MBNL2: variants seen among roughly 807,000 people sequenced by gnomAD.
MBNL2 encodes the protein muscleblind-like protein 2.
A neutral mutation model predicts 41.9 loss-of-function variants in MBNL2; 17 were observed. The observed-to-expected ratio is 0.41, with a 90% CI of 0.28 to 0.61. The LOEUF (loss-of-function observed/expected upper bound fraction) is 0.61. Among genes scored for constraint, MBNL2 ranks in the 20% least tolerant of loss-of-function variants. The pLI is 0.35. For missense variants in MBNL2, 336 were observed against 505.6 expected, an observed-to-expected ratio of 0.66 and a Z score of 3.22; for synonymous variants, 195 against 182.9, an observed-to-expected ratio of 1.07 and a Z score of -0.53.
intron 1 of MBNL2, among the ~76,000 whole-genome samples, chr13:97,235,629 A>G (rs1467814676): frequency 6.6e-6 from 1 of 152,178 alleles, no homozygotes; most frequent in African/African-American, 2.4e-5. Context: ...TAGTGTAGAA[A>G]GTGGAAGAAA....
chr13:97,185,643 G>T, the MBNL2 span, among the ~76,000 whole-genome samples: 1 of 152,210 alleles, frequency 6.6e-6, no homozygotes, highest in Admixed American at 6.5e-5. Context: ...AGGCATGTGG[G>T]CAGCCTCCGG....
chr13:97,326,606 T>C (rs2059931244), intron 2 of MBNL2, among the ~76,000 whole-genome samples: 1 of 152,240 alleles, frequency 6.6e-6, no homozygotes, highest in African/African-American at 2.4e-5. Flanking sequence ...GGTTATCATT[T>C]GTTTATAATG....
At chr13:97,181,384 G>A in the MBNL2 span, among the ~76,000 whole-genome samples, 17 of 152,272 alleles carry the variant, frequency 1.1e-4, no homozygotes, top group African/African-American at 3.9e-4. Context: ...TTATTGAATA[G>A]GTGGTTTTAA....
intron 1 of MBNL2, among the ~76,000 whole-genome samples, chr13:97,267,783 A>G (rs915405399): frequency 2.6e-5 from 4 of 152,190 alleles, no homozygotes; most frequent in Non-Finnish European, 5.9e-5. Flanking sequence ...TTGATCAGAA[A>G]CAGCCGCTGG....
intron 3 of MBNL2, among the ~76,000 whole-genome samples, chr13:97,337,321 C>T (rs747325885): frequency 6.6e-6 from 1 of 152,170 alleles, no homozygotes; most frequent in Non-Finnish European, 1.5e-5. Flanking sequence ...TTGTAAGCCA[C>T]CCAGCTTATG....
At chr13:97,340,490 A>G (rs1206841108) in intron 3 of MBNL2, among the ~76,000 whole-genome samples, 4 of 152,186 alleles carry the variant, frequency 2.6e-5, no homozygotes, top group Admixed American at 2.6e-4. Flanking sequence ...AAAAACCTTG[A>G]TGGACATTGA....
chr13:97,288,807 C>A (rs1466765203), intron 2 of MBNL2, among the ~76,000 whole-genome samples: 2 of 152,186 alleles, frequency 1.3e-5, no homozygotes, highest in African/African-American at 2.4e-5. Context: ...CAAATCCTCC[C>A]CTGAGCACTG....
At chr13:97,184,610 G>C in the MBNL2 span, among the ~76,000 whole-genome samples, 2 of 152,272 alleles carry the variant, frequency 1.3e-5, no homozygotes, top group African/African-American at 4.8e-5. Flanking sequence ...AGCCTCCTGA[G>C]TAGCTGGGAT....
chr13:97,326,660 G>A (rs1268027724), intron 2 of MBNL2, among the ~76,000 whole-genome samples: 1 of 152,140 alleles, frequency 6.6e-6, no homozygotes. Flanking sequence ...AAGCCGTTAT[G>A]TGATTGCATT....
chr13:97,234,136 G>A (rs908430742), intron 1 of MBNL2, among the ~76,000 whole-genome samples: 1 of 152,056 alleles, frequency 6.6e-6, no homozygotes, highest in South Asian at 2.1e-4. Context: ...ACCCTATGGC[G>A]CATACAAGCC....
chr13:97,333,577 C>T (rs1301101879), intron 2 of MBNL2, among the ~76,000 whole-genome samples: 1 of 152,130 alleles, frequency 6.6e-6, no homozygotes, highest in Non-Finnish European at 1.5e-5. Flanking sequence ...TGAGCTCAAG[C>T]CTGAGAATTT....
At position 97,282,638 on chromosome 13, in the gene MBNL2, G is replaced by A. The variant is rs184108205; in HGVS notation, c.174+6229G>A. On this transcript the variant is annotated intron_variant, in intron 2 of 8. Transcript: ENST00000679496. ...AGTTTTATAATGCAACGGAGTACAGGCAGGTTCATGCTTAAAGATTCTTGG... is the reference window on the plus strand; with the variant it reads ...AGTTTTATAATGCAACGGAGTACAGACAGGTTCATGCTTAAAGATTCTTGG... Among the ~76,000 whole-genome samples the A allele has an allele frequency of 3.6e-3, 543 of 152,250 alleles. 3 individuals carry two copies. Among genetic ancestry groups the A allele is most frequent in the Middle Eastern group, 0.01 (3 of 294 alleles).
chr13:97,210,995 G>A, the MBNL2 span, among the ~76,000 whole-genome samples: 1 of 151,654 alleles, frequency 6.6e-6, no homozygotes, highest in Non-Finnish European at 1.5e-5. Flanking sequence ...GCAGGGAGAG[G>A]AAGGCAGGGG....
At chr13:97,244,630 C>T (rs763393780) in intron 1 of MBNL2, among the ~76,000 whole-genome samples, 1 of 152,210 alleles carries the variant, frequency 6.6e-6, no homozygotes, top group Non-Finnish European at 1.5e-5. Flanking sequence ...TTTGTAATCT[C>T]ATTCTTTGCC....
intron 5 of MBNL2, among the ~76,000 whole-genome samples, chr13:97,348,089 T>TTG (rs1566433004): frequency 1.5e-4 from 23 of 150,546 alleles, no homozygotes; most frequent in African/African-American, 5.6e-4. Flanking sequence ...TTTTTTTTTT[T>TTG]TTTTTTTAAG....
the MBNL2 span, among the ~76,000 whole-genome samples, chr13:97,158,101 A>G: frequency 6.6e-6 from 1 of 151,922 alleles, no homozygotes; most frequent in Admixed American, 6.6e-5. Flanking sequence ...CAGAGATTCA[A>G]CTTCTTCCTT....
intron 2 of MBNL2, among the ~76,000 whole-genome samples, chr13:97,309,992 G>A (rs2058443628): frequency 6.6e-6 from 1 of 152,208 alleles, no homozygotes; most frequent in South Asian, 2.1e-4. Flanking sequence ...GCGGAATATT[G>A]GTGTTTGAAC....
intron 5 of MBNL2, among the ~76,000 whole-genome samples, chr13:97,349,885 CAA>C (rs1237749653): frequency 2.6e-5 from 4 of 152,108 alleles, no homozygotes; most frequent in East Asian, 1.9e-4. Context: ...CATCTTTTGA[CAA>C]GAGAGAGAAT....
chr13:97,192,567 C>T, the MBNL2 span, among the ~76,000 whole-genome samples: 1 of 152,238 alleles, frequency 6.6e-6, no homozygotes, highest in South Asian at 2.1e-4. Flanking sequence ...TGAACCTGAA[C>T]AGCCTCGTGG....
Sources: allele counts gnomAD v4.1 joint callset (sites outside exome capture counted in the v4.1 genomes callset), GRCh38; gene constraint gnomAD v4.1.1; transcripts MANE v1.5; gene names NCBI Gene and HGNC (gene_info 2026-07-23, HGNC 2026-07-21).